TNR: variants seen among roughly 807,000 people sequenced by gnomAD.
TNR encodes the protein tenascin R.
In TNR, 45 loss-of-function variants were observed where a neutral mutation model predicts 150.4. The ratio of observed to expected loss-of-function variants is 0.30; its 90% CI spans 0.24 to 0.38. The LOEUF is 0.38. Among genes scored for constraint, TNR ranks in the 10% least tolerant of loss-of-function variants. The pLI, the probability that TNR is intolerant of heterozygous loss-of-function variation, is 1.00. For synonymous variants in TNR, 687 were observed against 678.4 expected (o/e 1.01, Z -0.20); for missense variants, 1,544 against 1,759.1 (o/e 0.88, Z 2.19).
At chr1:175,610,527 C>G (rs1368279049) in intron 1 of TNR, among the ~76,000 whole-genome samples, 2 of 152,234 alleles carry the variant, frequency 1.3e-5, no homozygotes, top group Non-Finnish European at 2.9e-5. Context: ...CCTTTAACAG[C>G]CCCTCCTGGG....
At chr1:175,355,477 C>G in intron 17 of TNR, 26 bp downstream of exon 17, 1 of 1,611,830 alleles carries the variant, frequency 6.2e-7, no homozygotes, top group East Asian at 2.2e-5. Context: ...AAGAAATGGT[C>G]TTTTCCCTTT....
chr1:175,624,458 T>C (rs1664081346), intron 1 of TNR, among the ~76,000 whole-genome samples: 2 of 151,806 alleles, frequency 1.3e-5, no homozygotes, highest in African/African-American at 4.8e-5. Context: ...AAAAAGGAGA[T>C]GAGACAGATA....
At chr1:175,496,925 C>T (rs371438324) in intron 2 of TNR, among the ~76,000 whole-genome samples, 2 of 152,190 alleles carry the variant, frequency 1.3e-5, no homozygotes, top group South Asian at 2.1e-4. Flanking sequence ...GAATCACTGT[C>T]CTCATTTATC....
chr1:175,502,769 A>G (rs1658791479), intron 2 of TNR, among the ~76,000 whole-genome samples: 1 of 152,214 alleles, frequency 6.6e-6, no homozygotes, highest in Non-Finnish European at 1.5e-5. Flanking sequence ...AGCCCAGATG[A>G]AAGTGAGGCT....
chr1:175,705,012 G>A (rs992786200), intron 1 of TNR, among the ~76,000 whole-genome samples: 1 of 152,136 alleles, frequency 6.6e-6, no homozygotes, highest in African/African-American at 2.4e-5. Context: ...ATGGAGGTGG[G>A]GCCAGAGCAA....
intron 1 of TNR, among the ~76,000 whole-genome samples, chr1:175,727,101 A>G (rs1667501565): frequency 6.6e-6 from 1 of 152,206 alleles, no homozygotes; most frequent in Non-Finnish European, 1.5e-5. Context: ...AAGCAATGAC[A>G]AGGGAACTCT....
intron 2 of TNR, among the ~76,000 whole-genome samples, chr1:175,501,626 A>G (rs1184647854): frequency 6.6e-6 from 1 of 152,260 alleles, no homozygotes; most frequent in Non-Finnish European, 1.5e-5. Flanking sequence ...ACACAGCAGT[A>G]GAAGACAAAT....
At chr1:175,642,223 T>C (rs1664686986) in intron 1 of TNR, among the ~76,000 whole-genome samples, 1 of 152,048 alleles carries the variant, frequency 6.6e-6, no homozygotes, top group Admixed American at 6.5e-5. Context: ...CCAGAGTATG[T>C]GAAAAGTGTA....
At chr1:175,455,747 G>T (rs1656547843) in intron 2 of TNR, among the ~76,000 whole-genome samples, 1 of 152,178 alleles carries the variant, frequency 6.6e-6, no homozygotes, top group African/African-American at 2.4e-5. Flanking sequence ...CAATGATCTT[G>T]GAAATAGTTT....
At chr1:175,346,593 G>T (rs372965965) in intron 18 of TNR, among the ~76,000 whole-genome samples, 1 of 151,958 alleles carries the variant, frequency 6.6e-6, no homozygotes, top group Non-Finnish European at 1.5e-5. Flanking sequence ...AGGGAAAATA[G>T]CTACAGATGC....
At chr1:175,460,514 T>G (rs536718966) in intron 2 of TNR, among the ~76,000 whole-genome samples, 26 of 152,144 alleles carry the variant, frequency 1.7e-4, no homozygotes, top group Non-Finnish European at 3.1e-4. Flanking sequence ...TATTAGTAAT[T>G]GGATCATCAC....
chr1:175,492,377 C>T (rs771844255), intron 2 of TNR, among the ~76,000 whole-genome samples: 5 of 152,178 alleles, frequency 3.3e-5, no homozygotes, highest in Non-Finnish European at 7.3e-5. Context: ...TTCTGATAGG[C>T]TAGCTTGCTT....
intron 1 of TNR, among the ~76,000 whole-genome samples, chr1:175,549,849 A>C (rs1329972224): frequency 2.0e-5 from 3 of 152,194 alleles, no homozygotes; most frequent in African/African-American, 7.2e-5. Context: ...CTTTCACATG[A>C]GGGTGCAGCT....
intron 1 of TNR, among the ~76,000 whole-genome samples, chr1:175,551,966 C>T (rs1016425734): frequency 1.1e-4 from 16 of 152,226 alleles, no homozygotes; most frequent in African/African-American, 3.9e-4. Flanking sequence ...ATGATTTCTA[C>T]ATTTGAAAAG....
At chr1:175,396,890 A>AC (rs1442105541) in intron 4 of TNR, 83 bp from the exon 5 acceptor site, 3 of 1,504,118 alleles carry the variant, frequency 2.0e-6, no homozygotes, top group East Asian at 2.3e-5. Context: ...CTCACATCTC[A>AC]CCCCCCATGC....
At chr1:175,666,481 C>T (rs1665535979) in intron 1 of TNR, among the ~76,000 whole-genome samples, 1 of 152,074 alleles carries the variant, frequency 6.6e-6, no homozygotes, top group Non-Finnish European at 1.5e-5. Context: ...CAGTCATCTC[C>T]TCTCTTCTCT....
chr1:175,393,644 C>T, intron 6 of TNR, 136 bp downstream of exon 6: 1 of 745,026 alleles, frequency 1.3e-6, no homozygotes, highest in East Asian at 2.5e-5. Flanking sequence ...CCCAGACACC[C>T]ACAACATGCC....
chr1:175,480,412 G>GAAAAAAA, intron 2 of TNR, among the ~76,000 whole-genome samples: 3 of 97,820 alleles, frequency 3.1e-5, no homozygotes, highest in African/African-American at 9.5e-5. Context: ...AAAAAAGAAA[G>GAAAAAAA]AAAGAAAAAA....
At chr1:175,610,494 A>G (rs1007674825) in intron 1 of TNR, among the ~76,000 whole-genome samples, 1 of 152,210 alleles carries the variant, frequency 6.6e-6, no homozygotes, top group African/African-American at 2.4e-5. Flanking sequence ...CAGTTATCTG[A>G]ACTTTGGTGA....
Sources: allele counts gnomAD v4.1 joint callset (sites outside exome capture counted in the v4.1 genomes callset), GRCh38; gene constraint gnomAD v4.1.1; transcripts MANE v1.5; gene names NCBI Gene and HGNC (gene_info 2026-07-23, HGNC 2026-07-21).